The following CLASP1 variants were observed in gnomAD, a reference collection of about 807,000 sequenced individuals.
CLASP1 encodes cytoplasmic linker associated protein 1.
Under a neutral mutation model 192.3 loss-of-function variants are expected in CLASP1, and 38 were observed. The ratio of observed to expected loss-of-function variants is 0.20; its 90% confidence interval spans 0.15 to 0.26. The LOEUF (loss-of-function observed/expected upper bound fraction) is 0.26. Among genes scored for constraint, CLASP1 ranks in the 10% least tolerant of loss-of-function variants. The pLI, the probability that CLASP1 is intolerant of heterozygous loss-of-function variation, is 1.00. For synonymous variants in CLASP1, 691 were observed against 712.8 expected, an observed-to-expected ratio of 0.97 and a Z score of 0.49; for missense variants, 1,433 against 1,932.5, an observed-to-expected ratio of 0.74 and a Z score of 4.85.
At position 121,517,035 on chromosome 2, in the gene CLASP1, A is replaced by T. The variant is rs562087350; in HGVS notation, c.547-1273T>A. On this transcript the variant is annotated intron_variant, in intron 6 of 39. Transcript: ENST00000263710. ...CAAGACTCTGTCTCAGAAAGAAAAA[A>T]AAAATCATTATATCTGCATGTTACT... Among the ~76,000 whole-genome samples the T allele has an allele frequency of 1.3e-4, 20 of 152,326 alleles. No individual in the cohort carries two copies. The East Asian group carries it at 3.5e-3, about 26-fold the overall frequency.
intron 7 of CLASP1, among the ~76,000 whole-genome samples, chr2:121,512,591 T>C (rs2094170868): frequency 6.6e-6 from 1 of 152,208 alleles, no homozygotes; most frequent in African/African-American, 2.4e-5. Context: ...TCCACTTTAT[T>C]ATCTGGCTCG....
chr2:121,553,655 C>T (rs963233268), intron 2 of CLASP1, among the ~76,000 whole-genome samples: 1 of 152,012 alleles, frequency 6.6e-6, no homozygotes, highest in African/African-American at 2.4e-5. Context: ...GAGCCAAGAT[C>T]GCGTCACTAC....
chr2:121,530,181 G>A (rs1387747996), intron 3 of CLASP1, 66 bp downstream of exon 3: 2 of 1,408,048 alleles, frequency 1.4e-6, no homozygotes, highest in Non-Finnish European at 1.9e-6. Context: ...TTTGGGAGCC[G>A]GGGAGGCCGA....
rs554074882 is a variant in CLASP1, at chr2:121,599,412, AC to A, written c.195+6288del. Among the ~76,000 whole-genome samples the A allele has an allele frequency of 3.6e-3, 542 of 148,524 alleles. 6 individuals carry two copies. The highest frequency in any genetic ancestry group is 0.013 in the African/African-American group (512 of 40,430). The stretch of plus-strand genomic sequence containing the variant: ...AGACCAGCCTGGCCAATATGGTAAA[AC>A]CCTGTCTCTACTAAAAATACAAAAA... On this transcript the variant is annotated intron_variant, in intron 2 of 39. Coordinates refer to ENST00000263710, the Ensembl canonical transcript of CLASP1.
chr2:121,541,744 A>G (rs2095238884), intron 2 of CLASP1, among the ~76,000 whole-genome samples: 1 of 152,172 alleles, frequency 6.6e-6, no homozygotes, highest in African/African-American at 2.4e-5. Flanking sequence ...CAGCTGCTCC[A>G]TCTCCGAGCT....
At chr2:121,398,423 CTTATTT>C in intron 28 of CLASP1, 23 bp from the exon 30 acceptor site, 1 of 1,495,158 alleles carries the variant, frequency 6.7e-7, no homozygotes, top group Non-Finnish European at 9.1e-7. Flanking sequence ...GAAAAAAGTG[CTTATTT>C]TTAAAGAAAT....
intron 37 of CLASP1, among the ~76,000 whole-genome samples, chr2:121,354,068 T>C (rs1192301504): frequency 6.6e-6 from 1 of 152,178 alleles, no homozygotes; most frequent in East Asian, 1.9e-4. Flanking sequence ...CATGAACCAC[T>C]ACACCCAGGC....
intron 36 of CLASP1, chr2:121,364,857 A>G: frequency 1.9e-6 from 1 of 536,636 alleles, no homozygotes. Context: ...AGTTTCCTCA[A>G]CTACTATAAA....
intron 13 of CLASP1, among the ~76,000 whole-genome samples, 193 bp downstream of exon 13, chr2:121,458,647 T>C (rs916378303): frequency 6.6e-6 from 1 of 152,148 alleles, no homozygotes; most frequent in Non-Finnish European, 1.5e-5. Flanking sequence ...ATAATTCACA[T>C]TATGGATTAT....
At chr2:121,457,454 G>GACACACACAC (rs753105912) in intron 14 of CLASP1, among the ~76,000 whole-genome samples, 20 of 131,790 alleles carry the variant, frequency 1.5e-4, no homozygotes, top group African/African-American at 6.9e-4. Context: ...CTCTCACACA[G>GACACACACAC]ACATACACAC....
At chr2:121,495,187 G>A (rs1575454689) in intron 8 of CLASP1, among the ~76,000 whole-genome samples, 1 of 152,034 alleles carries the variant, frequency 6.6e-6, no homozygotes, top group Non-Finnish European at 1.5e-5. Context: ...GCTGGGCGTG[G>A]TGGCAGGTGC....
chr2:121,580,913 A>T (rs2061056441), intron 2 of CLASP1, among the ~76,000 whole-genome samples: 1 of 152,172 alleles, frequency 6.6e-6, no homozygotes, highest in South Asian at 2.1e-4. Context: ...TATCATTAGG[A>T]CTTTGGAATA....
rs70954551 is a variant in CLASP1 at position 121,498,201 on chromosome 2, C to CT, written c.712+4965dup. On this transcript the variant is annotated intron_variant, in intron 8 of 39. Coordinates refer to ENST00000263710, the Ensembl canonical transcript of CLASP1. ...ACTGTGGTAAAATAGGTAATAGTTT[C>CT]TTTTTTTTTTTTTTTTTTCTGAGAC... Among the ~76,000 whole-genome samples the CT allele has an allele frequency of 7.5e-3, 896 of 119,080 alleles. 13 individuals carry two copies. The highest frequency in any genetic ancestry group is 9.2e-3 in the Non-Finnish European group (552 of 59,904). 78.1% of individuals were successfully genotyped at this position (119,080 alleles called of 152,430 possible). A position where few individuals can be genotyped will look rare whatever the true frequency, so the allele number is the denominator to read the frequency against.
chr2:121,413,895 C>A (rs1183095225), intron 23 of CLASP1, among the ~76,000 whole-genome samples: 1 of 152,032 alleles, frequency 6.6e-6, no homozygotes, highest in African/African-American at 2.4e-5. Context: ...GGAATTACTT[C>A]CCTGTTGTTT....
At chr2:121,619,307 T>G (rs1041660528) in intron 1 of CLASP1, among the ~76,000 whole-genome samples, 9 of 152,232 alleles carry the variant, frequency 5.9e-5, no homozygotes, top group African/African-American at 1.9e-4. Context: ...TCCAAATTTT[T>G]TCTATGATGA....
Position 121,504,970 on chromosome 2 carries a change from T to C in CLASP1, c.645-1736A>G, listed in dbSNP as rs190614768. ...TTACTAAAGAACTGGAAAGATGCCT[T>C]ACATGATTGTGTTTCTTATGATGTT... On this transcript the variant is annotated intron_variant, in intron 7 of 39. Transcript: ENST00000263710. 5 of 152,358 alleles carry C rather than the reference T, an allele frequency of 3.3e-5. No homozygotes were observed. In the East Asian group the frequency reaches 7.7e-4, roughly 23 times the overall value. 9.4% of individuals were successfully genotyped at this position (152,358 alleles called of 1,614,324 possible).
At chr2:121,517,744 A>ACCT (rs938207572) in intron 6 of CLASP1, among the ~76,000 whole-genome samples, 1 of 150,032 alleles carries the variant, frequency 6.7e-6, no homozygotes, top group Non-Finnish European at 1.5e-5. Flanking sequence ...CTACAGTCCT[A>ACCT]CCTACTTGGG....
At chr2:121,348,637 T>C (rs373446023) in exon 38 of CLASP1, 2 of 1,613,826 alleles carry the variant, frequency 1.2e-6, no homozygotes, top group African/African-American at 2.7e-5. Flanking sequence ...GTCTGGATGA[T>C]GGGGCAGAGC....
At chr2:121,643,609 TATTATG>T (rs1461387915) in intron 1 of CLASP1, among the ~76,000 whole-genome samples, 21 of 152,196 alleles carry the variant, frequency 1.4e-4, no homozygotes, top group African/African-American at 4.6e-4. Flanking sequence ...TGGCCATTAT[TATTATG>T]AAGACATTTA....
Sources: gnomAD v4.1 joint callset for allele counts (sites outside exome capture counted in the v4.1 genomes callset) on GRCh38, gnomAD v4.1.1 for gene constraint, MANE v1.5 for transcripts, NCBI Gene and HGNC (gene_info 2026-07-23, HGNC 2026-07-21) for gene names.